The following HS3ST5 variants were observed in gnomAD, a reference collection of about 807,000 sequenced individuals.
HS3ST5 encodes the protein heparan sulfate-glucosamine 3-sulfotransferase 5.
A neutral mutation model predicts 25.4 loss-of-function variants in HS3ST5; 10 were observed. The ratio of observed to expected loss-of-function variants is 0.39; its 90% CI spans 0.24 to 0.67. HS3ST5 has a LOEUF of 0.67. Among genes scored for constraint, HS3ST5 ranks in the 30% least tolerant of loss-of-function variants. HS3ST5 has a pLI of 0.44. For synonymous variants in HS3ST5, 170 were observed against 162.4 expected (o/e 1.05, Z -0.36); for missense variants, 324 against 420.7 (o/e 0.77, Z 2.01).
At chr6:114,116,538 A>G (rs183572921) in intron 3 of HS3ST5, among the ~76,000 whole-genome samples, 2 of 152,060 alleles carry the variant, frequency 1.3e-5, no homozygotes, top group Non-Finnish European at 2.9e-5. Context: ...TACCCCACAG[A>G]CCTTTCTATT....
At chr6:114,174,243 A>C (rs1779611081) in intron 2 of HS3ST5, among the ~76,000 whole-genome samples, 1 of 152,038 alleles carries the variant, frequency 6.6e-6, no homozygotes, top group Non-Finnish European at 1.5e-5. Flanking sequence ...TTTCCTCAGG[A>C]AGATTTTTCT....
chr6:114,234,669 G>C (rs1319778211), intron 1 of HS3ST5, among the ~76,000 whole-genome samples: 1 of 152,102 alleles, frequency 6.6e-6, no homozygotes, highest in Admixed American at 6.5e-5. Flanking sequence ...TGCCTTTTCT[G>C]ACATGCTTCT....
chr6:114,329,312 G>T (rs1394912322), intron 1 of HS3ST5, among the ~76,000 whole-genome samples: 1 of 152,210 alleles, frequency 6.6e-6, no homozygotes, highest in Non-Finnish European at 1.5e-5. Context: ...CAAATCAAAA[G>T]AAATTCATGG....
intron 1 of HS3ST5, among the ~76,000 whole-genome samples, chr6:114,336,070 G>A (rs1174646832): frequency 1.3e-5 from 2 of 152,198 alleles, no homozygotes; most frequent in African/African-American, 4.8e-5. Context: ...TCAAGAGTAA[G>A]AGAACCCATG....
At chr6:114,290,450 T>G (rs548306248) in intron 1 of HS3ST5, among the ~76,000 whole-genome samples, 1 of 152,258 alleles carries the variant, frequency 6.6e-6, no homozygotes, top group East Asian at 1.9e-4. Flanking sequence ...TCCTGAAATT[T>G]TGTCTATAAA....
chr6:114,228,190 C>T (rs1274693748), intron 2 of HS3ST5, among the ~76,000 whole-genome samples: 13 of 152,224 alleles, frequency 8.5e-5, no homozygotes, highest in Admixed American at 4.6e-4. Context: ...CACATTCTTA[C>T]GACACATCCC....
intron 1 of HS3ST5, among the ~76,000 whole-genome samples, chr6:114,239,711 C>T (rs1772015304): frequency 2.0e-5 from 3 of 152,172 alleles, no homozygotes; most frequent in Admixed American, 6.5e-5. Flanking sequence ...GAAATCCCCA[C>T]AGACAGGATG....
At chr6:114,259,418 C>A (rs1048742432) in intron 1 of HS3ST5, among the ~76,000 whole-genome samples, 1 of 152,210 alleles carries the variant, frequency 6.6e-6, no homozygotes, top group Admixed American at 6.5e-5. Context: ...TGTTTCCCTT[C>A]CTAGACTGTA....
At chr6:114,280,521 G>A (rs1204000725) in intron 1 of HS3ST5, among the ~76,000 whole-genome samples, 1 of 151,974 alleles carries the variant, frequency 6.6e-6, no homozygotes, top group Non-Finnish European at 1.5e-5. Flanking sequence ...AATCCAGTTC[G>A]TCAAAGACTC....
intron 1 of HS3ST5, among the ~76,000 whole-genome samples, chr6:114,272,498 T>G (rs1197087525): frequency 1.3e-5 from 2 of 152,156 alleles, no homozygotes; most frequent in African/African-American, 4.8e-5. Flanking sequence ...TTTCTAATGT[T>G]GCATTAGATG....
At chr6:114,121,615 T>C (rs1242518448) in intron 3 of HS3ST5, among the ~76,000 whole-genome samples, 2 of 152,176 alleles carry the variant, frequency 1.3e-5, no homozygotes, top group Non-Finnish European at 2.9e-5. Context: ...TTTATTACCT[T>C]ATTTTTTCAC....
chr6:114,062,896 T>C lies in HS3ST5; in HGVS notation c.-32-19A>G. 1.4e-6 allele frequency: 2 copies of C among 1,403,244 alleles called. No individual in the cohort carries two copies. Among genetic ancestry groups the C allele is most frequent in the Non-Finnish European group, 1.0e-6 (1 of 990,816 alleles). The allele number at this position is 1,403,244 out of a possible 1,614,324, so 86.9% of individuals were successfully genotyped here. On this transcript the variant is annotated intron_variant, in intron 3 of 4. Transcript: ENST00000312719. ...CTGCAGCCTGCGATAGAAGGACTCATCAGCAGCCATCTCTTAGAGGCTCTG... is the reference window on the plus strand; with the variant it reads ...CTGCAGCCTGCGATAGAAGGACTCACCAGCAGCCATCTCTTAGAGGCTCTG...
At chr6:114,157,889 A>C (rs775642397) in intron 3 of HS3ST5, among the ~76,000 whole-genome samples, 2 of 152,010 alleles carry the variant, frequency 1.3e-5, no homozygotes, top group Non-Finnish European at 2.9e-5. Context: ...TAGGCTTCTA[A>C]GCTTCAGGCT....
At chr6:114,312,500 A>C (rs765693030) in intron 1 of HS3ST5, among the ~76,000 whole-genome samples, 6 of 152,138 alleles carry the variant, frequency 3.9e-5, no homozygotes, top group Non-Finnish European at 7.4e-5. Flanking sequence ...AGAAATAATA[A>C]ATTAAAAACT....
At chr6:114,309,547 A>G (rs1161869746) in intron 1 of HS3ST5, among the ~76,000 whole-genome samples, 1 of 152,154 alleles carries the variant, frequency 6.6e-6, no homozygotes, top group African/African-American at 2.4e-5. Context: ...AGCATGGCCA[A>G]TATGGAGAAA....
intron 1 of HS3ST5, among the ~76,000 whole-genome samples, chr6:114,230,748 T>C (rs1251260709): frequency 6.6e-6 from 1 of 151,338 alleles, no homozygotes; most frequent in Non-Finnish European, 1.5e-5. Context: ...CACCACACCC[T>C]GCTATTTTTT....
chr6:114,076,441 G>A (rs1198605400), intron 3 of HS3ST5, among the ~76,000 whole-genome samples: 1 of 152,156 alleles, frequency 6.6e-6, no homozygotes, highest in Non-Finnish European at 1.5e-5. Flanking sequence ...AATTTTTAAT[G>A]TCTTAATAGC....
At chr6:114,082,681 A>G (rs969958996) in intron 3 of HS3ST5, among the ~76,000 whole-genome samples, 1 of 152,198 alleles carries the variant, frequency 6.6e-6, no homozygotes, top group Admixed American at 6.5e-5. Context: ...TTCTCTTCAA[A>G]TAATCAATAT....
chr6:114,093,198 A>G (rs1775222544), intron 3 of HS3ST5, among the ~76,000 whole-genome samples: 1 of 152,136 alleles, frequency 6.6e-6, no homozygotes, highest in Non-Finnish European at 1.5e-5. Context: ...CTGCCTGAAC[A>G]GGAAGTACAC....
Sources: allele counts gnomAD v4.1 joint callset (sites outside exome capture counted in the v4.1 genomes callset), GRCh38; gene constraint gnomAD v4.1.1; transcripts MANE v1.5; gene names NCBI Gene and HGNC (gene_info 2026-07-23, HGNC 2026-07-21).